Variants in CCDC149 observed in about 807,000 individuals in gnomAD.
CCDC149 encodes the protein coiled-coil domain-containing protein 149.
Under a neutral mutation model 59.9 loss-of-function variants are expected in CCDC149, and 45 were observed. The ratio of observed to expected loss-of-function variants is 0.75; its 90% CI spans 0.59 to 0.96. CCDC149 has a LOEUF of 0.96. Ranked by LOEUF, CCDC149 falls within the 40% of genes least tolerant of loss-of-function variation. The pLI is 0.00. For missense variants in CCDC149, 584 were observed against 664.7 expected (o/e 0.88, Z 1.33); for synonymous variants, 245 against 260.6 (o/e 0.94, Z 0.58).
At chr4:24,866,819 A>ACACC (rs1194278809) in intron 3 of CCDC149, among the ~76,000 whole-genome samples, 1 of 69,984 alleles carries the variant, frequency 1.4e-5, no homozygotes, top group African/African-American at 6.0e-5. Context: ...ACACACACAC[A>ACACC]CACCCACACA....
At chr4:24,971,075 G>A (rs992878601) in intron 1 of CCDC149, among the ~76,000 whole-genome samples, 1 of 152,188 alleles carries the variant, frequency 6.6e-6, no homozygotes, top group Non-Finnish European at 1.5e-5. Context: ...GGAACACAAT[G>A]TTGTACCTTT....
intron 1 of CCDC149, among the ~76,000 whole-genome samples, chr4:24,910,118 A>T (rs1316990627): frequency 6.6e-6 from 1 of 152,150 alleles, no homozygotes; most frequent in Non-Finnish European, 1.5e-5. Flanking sequence ...TTTGAGGGAG[A>T]ATCTGCCTCT....
intron 1 of CCDC149, among the ~76,000 whole-genome samples, chr4:24,956,097 C>A (rs1282990592): frequency 6.6e-6 from 1 of 152,066 alleles, no homozygotes; most frequent in Non-Finnish European, 1.5e-5. Flanking sequence ...TACTGAGAGG[C>A]AAAAATATAG....
At chr4:24,834,537 C>T (rs1716367054) in intron 8 of CCDC149, among the ~76,000 whole-genome samples, 1 of 152,094 alleles carries the variant, frequency 6.6e-6, no homozygotes, top group Non-Finnish European at 1.5e-5. Context: ...AAAACGCACC[C>T]TTGGAGATGC....
At chr4:24,854,502 G>A (rs1477431712) in intron 3 of CCDC149, among the ~76,000 whole-genome samples, 1 of 152,142 alleles carries the variant, frequency 6.6e-6, no homozygotes, top group Non-Finnish European at 1.5e-5. Flanking sequence ...AGAGTCAAAC[G>A]AGGGATATTA....
chr4:24,977,752 G>A (rs1327517138), intron 1 of CCDC149, among the ~76,000 whole-genome samples: 2 of 152,160 alleles, frequency 1.3e-5, no homozygotes, highest in Admixed American at 6.5e-5. Flanking sequence ...TGCCTGTTAG[G>A]AATATTGACC....
At chr4:24,821,182 C>T (rs994149284) in intron 10 of CCDC149, 95 bp from the exon 11 acceptor site, 3 of 624,306 alleles carry the variant, frequency 4.8e-6, no homozygotes, top group Non-Finnish European at 6.9e-6. Context: ...AGAAAATTCT[C>T]GGCATTTGTT....
At chr4:24,945,707 C>T (rs1242374339) in intron 1 of CCDC149, among the ~76,000 whole-genome samples, 5 of 151,710 alleles carry the variant, frequency 3.3e-5, no homozygotes, top group South Asian at 2.1e-4. Flanking sequence ...CTGCAACCTC[C>T]GCCTCCCAGG....
At position 24,837,715 on chromosome 4, in the gene CCDC149, T is replaced by G. The variant is rs1308706283; in HGVS notation, c.490-315A>C. On this transcript the variant is annotated intron_variant, in intron 5 of 12. Coordinates refer to ENST00000635206, the MANE Select transcript of CCDC149 (RefSeq NM_001330643.2). This position sits in a 1 kb window ranked among gnomAD's most constrained non-coding sequence, Gnocchi z 4.3. ...AATCCATACTTTTTCAAATCCACTC[T>G]AGACCCAGAAATCTTGTTCTGCTCT... 6.6e-6 allele frequency among the ~76,000 whole-genome samples: 1 copy of G among 152,204 alleles called. No homozygotes were observed. Among genetic ancestry groups the G allele is most frequent in the Non-Finnish European group, 1.5e-5 (1 of 68,030 alleles).
At chr4:24,814,391 A>G (rs1714872640) in intron 12 of CCDC149, among the ~76,000 whole-genome samples, 1 of 152,206 alleles carries the variant, frequency 6.6e-6, no homozygotes, top group Non-Finnish European at 1.5e-5. Flanking sequence ...AACTATTCAG[A>G]TCTGTTTAGC....
At chr4:24,869,873 T>C (rs1718929693) in intron 3 of CCDC149, among the ~76,000 whole-genome samples, 1 of 152,184 alleles carries the variant, frequency 6.6e-6, no homozygotes, top group African/African-American at 2.4e-5. Flanking sequence ...TAACAGCTCT[T>C]CCATCCCAAG....
At chr4:24,888,269 T>A (rs772965349) in intron 1 of CCDC149, among the ~76,000 whole-genome samples, 1 of 152,168 alleles carries the variant, frequency 6.6e-6, no homozygotes, top group Non-Finnish European at 1.5e-5. Flanking sequence ...GCTGAATATA[T>A]ACATAGATAT....
In CCDC149 at chr4:24,821,098, C is replaced by T. The variant is rs1467614827; in HGVS notation, c.1043-11G>A. ...CATTGTAGCTCAGGCCTTCAGGCAG[C>T]AAAAAGAAAAAAAGGAAATAATTGT... On this transcript the variant is annotated splice_polypyrimidine_tract_variant and intron_variant, in intron 10 of 12. Transcript: ENST00000635206. 8.1e-7 allele frequency: 1 copy of T among 1,229,442 alleles called. No homozygotes were observed. The highest frequency in any genetic ancestry group is 1.6e-5 in the African/African-American group (1 of 64,176). The allele number at this position is 1,229,442 out of a possible 1,614,324, so 76.2% of individuals were successfully genotyped here. A position where few individuals can be genotyped will look rare whatever the true frequency, so the allele number is the denominator to read the frequency against.
chr4:24,942,932 T>A (rs1722992035), intron 1 of CCDC149, among the ~76,000 whole-genome samples: 1 of 151,818 alleles, frequency 6.6e-6, no homozygotes, highest in South Asian at 2.1e-4. Context: ...TCCATGCTCA[T>A]GGGTAGGAAG....
chr4:24,966,399 G>C (rs1723805700), intron 1 of CCDC149, among the ~76,000 whole-genome samples: 1 of 152,084 alleles, frequency 6.6e-6, no homozygotes, highest in Admixed American at 6.6e-5. Flanking sequence ...GTGTCCCCAA[G>C]TGCCTTTGGC....
chr4:24,913,431 A>G (rs921482941), upstream of CCDC149, among the ~76,000 whole-genome samples: 11 of 152,240 alleles, frequency 7.2e-5, no homozygotes, highest in African/African-American at 2.4e-4. Flanking sequence ...TATTTATTGG[A>G]CGAATATTTG....
chr4:24,813,423 T>C (rs1034636091), intron 12 of CCDC149, among the ~76,000 whole-genome samples: 1 of 149,282 alleles, frequency 6.7e-6, no homozygotes, highest in Non-Finnish European at 1.5e-5. Context: ...ATACCAAACA[T>C]GGCTTGGATT....
At position 24,836,493 on chromosome 4, in the gene CCDC149, T is replaced by G. The variant is rs1277862639; in HGVS notation, c.678A>C (p.Arg226Ser). 1 of 1,610,924 alleles carries G rather than the reference T, an allele frequency of 6.2e-7. No homozygotes were observed. The stretch of plus-strand genomic sequence containing the variant: ...TGACCTCTTCATGGAGTTGCTTTAA[T>G]CTCTCTTGAAGGTACCTGAAAAAGA... Residue 226 changes from arginine (R) to serine (S), a missense_variant, in exon 7 of 13, where the codon AGA becomes AGC. Arg to Ser is a moderately radical substitution (Grantham distance 110). Transcript: ENST00000635206.
intron 2 of CCDC149, among the ~76,000 whole-genome samples, chr4:24,875,489 T>C (rs1274769000): frequency 6.6e-6 from 1 of 151,982 alleles, no homozygotes; most frequent in East Asian, 1.9e-4. Flanking sequence ...GGAATTTATT[T>C]TATTTCTCCA....
Sources: gnomAD v4.1 joint callset for allele counts (sites outside exome capture counted in the v4.1 genomes callset) on GRCh38, gnomAD v4.1.1 for gene constraint, Gnocchi (gnomAD v3.1) non-coding constraint, MANE v1.5 for transcripts, NCBI Gene and HGNC (gene_info 2026-07-23, HGNC 2026-07-21) for gene names.